TTN: variants seen among roughly 807,000 people sequenced by gnomAD.
TTN encodes titin, also known as connectin.
In TTN, 1,525 loss-of-function variants were observed where a neutral mutation model predicts 3,223.0. The ratio of observed to expected loss-of-function variants is 0.47; its 90% CI spans 0.45 to 0.49. The LOEUF (loss-of-function observed/expected upper bound fraction) is 0.49, where lower values mean the gene tolerates loss of function less well. Among genes scored for constraint, TTN ranks in the 20% least tolerant of loss-of-function variants. The pLI, the probability that TTN is intolerant of heterozygous loss-of-function variation, is 0.00. For missense variants in TTN, 40,786 were observed against 43,424.0 expected, an observed-to-expected ratio of 0.94 and a Z score of 5.40; for synonymous variants, 14,094 against 15,161.0, an observed-to-expected ratio of 0.93 and a Z score of 5.17.
rs748675191 is a variant in TTN at position 178,718,608 on chromosome 2, G to A, written c.24506-8C>T. ...TCACAAAGGTGGCTGGTTCTATAAGGAGAAAACATGTGGGTAAAATTCTTG... is the reference window on the plus strand; with the variant it reads ...TCACAAAGGTGGCTGGTTCTATAAGAAGAAAACATGTGGGTAAAATTCTTG... On this transcript the variant is annotated splice_region_variant and splice_polypyrimidine_tract_variant and intron_variant, in intron 84 of 362. Transcript: ENST00000589042. 1 of 1,607,420 alleles carries A rather than the reference G, an allele frequency of 6.2e-7. No homozygotes were observed. Among genetic ancestry groups the A allele is most frequent in the South Asian group, 1.1e-5 (1 of 90,202 alleles).
rs149404931 is a variant in TTN at position 178,774,991 on chromosome 2, A to T, written c.6720T>A (p.Asp2240Glu). ...FLSILTIDTS[D>E]AEDYSCVLVE... ...CAAGTACACAGCTGTAATCTTCAGCATCAGACGTATCAATGGTCAGTATGG... is the reference window on the plus strand; with the variant it reads ...CAAGTACACAGCTGTAATCTTCAGCTTCAGACGTATCAATGGTCAGTATGG... Residue 2240 changes from aspartate to glutamate, a missense_variant, in exon 29 of 363, where the codon GAT becomes GAA. Transcript: ENST00000589042. 3.7e-6 allele frequency: 6 copies of T among 1,613,936 alleles called. No homozygotes were observed. In the African/African-American group the frequency reaches 8.0e-5, roughly 22 times the overall value.
At position 178,675,863 on chromosome 2, in the gene TTN, AC is replaced by A. The variant is rs1398317671; in HGVS notation, c.34453+57del. On this transcript the variant is annotated intron_variant, in intron 148 of 362. Coordinates refer to ENST00000589042, the MANE Select transcript of TTN (RefSeq NM_001267550.2). The stretch of plus-strand genomic sequence containing the variant: ...ACAAATACGGAAACAGGACATTTTG[AC>A]TTTTATAGGAGAAGGAAGGAAATGG... The A allele has an allele frequency of 3.5e-5, 54 of 1,559,488 alleles. 1 individual carries two copies. The Admixed American group carries it at 1.0e-3, about 30-fold the overall frequency.
Position 178,560,025 on chromosome 2 carries a change from G to A in TTN, c.86107C>T (p.Gln28703Ter). Residue 28703 changes from glutamine to a stop codon, truncating the protein, a stop_gained, in exon 326 of 363, where the codon CAG becomes TAG. Coordinates refer to ENST00000589042, the MANE Select transcript of TTN (RefSeq NM_001267550.2). LOFTEE classifies it high-confidence loss of function. Reference sequence around the variant, plus strand: ...GTATATTCTGTCCCTCGTAAGCTCTGAATGGAAGTTTTCCAGTCAGTGTCA... The same window carrying A: ...GTATATTCTGTCCCTCGTAAGCTCTAAATGGAAGTTTTCCAGTCAGTGTCA... ...SDDTDWKTSIQSLRGTEYTIS... is the reference protein window; with the variant it reads ...SDDTDWKTSI The A allele has an allele frequency of 6.2e-7, 1 of 1,613,650 alleles. No individual in the cohort carries two copies. Among genetic ancestry groups the A allele is most frequent in the Non-Finnish European group, 8.5e-7 (1 of 1,179,790 alleles).
chr2:178,725,975 C>A lies in TTN; in HGVS notation c.20347G>T (p.Glu6783Ter). ...TCAAACGGTGGTGTTCCCGAAAGTT[C>A]ACATTCAAGACTGACTTCAGCATTT... ...LKNAEVSLEC[E>*]LSGTPPFEVV... Residue 6783 changes from glutamate (E) to a stop codon, truncating the protein, a stop_gained, in exon 70 of 363, where the codon GAA (glutamate) becomes TAA (stop). Coordinates refer to ENST00000589042, the MANE Select transcript of TTN (RefSeq NM_001267550.2). LOFTEE classifies it high-confidence loss of function. 6.2e-7 allele frequency: 1 copy of A among 1,610,704 alleles called. No individual in the cohort carries two copies. The highest frequency in any genetic ancestry group is 8.5e-7 in the Non-Finnish European group (1 of 1,178,082).
At chr2:178,692,279 A>G (rs1480197238) in intron 120 of TTN, among the ~76,000 whole-genome samples, 180 bp from the exon 121 acceptor site, 1 of 152,118 alleles carries the variant, frequency 6.6e-6, no homozygotes, top group East Asian at 1.9e-4. Flanking sequence ...CATTACATAC[A>G]TTACACAAGC....
rs752579029 is a variant in TTN, at chr2:178,577,358, T to C, written c.68977A>G (p.Ile22993Val). 1 of 1,613,040 alleles carries C rather than the reference T, an allele frequency of 6.2e-7. No individual in the cohort carries two copies. The highest frequency in any genetic ancestry group is 1.7e-5 in the Admixed American group (1 of 59,916). Residue 22993 changes from isoleucine to valine, a missense_variant, in exon 324 of 363, where the codon ATC (isoleucine) becomes GTC (valine). By Grantham distance (29) the Ile-to-Val change is conservative. Transcript: ENST00000589042. ...KAGKDIRPSD[I>V]TQITSTPTSS... is the part of the protein sequence containing the mutation. ...GTTGGGGTTGAAGTTATCTGAGTGA[T>C]ATCTGATGGTCTAATGTCTTTTCCT...
At position 178,611,881 on chromosome 2, in the gene TTN, TAC is replaced by T; in HGVS notation, c.50426_50427del (p.Cys16809Ter). ...TCGATGACATCAGTTACTCTGAAGT[TAC>T]AGTCAGGTCCTGCAGTCTTTCCAGC... ...VKAGKTAGPD[C>X]NFRVTDVIEG... On this transcript the variant is annotated frameshift_variant, in exon 268 of 363. Transcript: ENST00000589042. LOFTEE classifies it high-confidence loss of function. The T allele has an allele frequency of 1.2e-6, 2 of 1,612,948 alleles. No individual in the cohort carries two copies. The highest frequency in any genetic ancestry group is 1.7e-6 in the Non-Finnish European group (2 of 1,179,292).
intron 98 of TTN, 118 bp downstream of exon 98, chr2:178,710,517 T>A: frequency 7.9e-7 from 1 of 1,260,806 alleles, no homozygotes; most frequent in Non-Finnish European, 1.1e-6. Flanking sequence ...CTTAAACATT[T>A]TCTTTTCATT....
intron 24 of TTN, 21 bp from the exon 25 acceptor site, chr2:178,777,996 A>G: frequency 6.2e-7 from 1 of 1,611,308 alleles, no homozygotes; most frequent in Non-Finnish European, 8.5e-7. Context: ...AAGACACACA[A>G]TACTTTCGTG....
At position 178,566,971 on chromosome 2, in the gene TTN, A is replaced by G. The variant is rs1222293280; in HGVS notation, c.79161T>C (p.Pro26387=). The G allele has an allele frequency of 6.2e-7, 1 of 1,613,630 alleles. No homozygotes were observed. The highest frequency in any genetic ancestry group is 1.7e-5 in the Admixed American group (1 of 59,982). ...TGACTTCCAAGCTTTTTGGTGGTCC[A>G]GGAAGCACAAATGGATTTTTCATTA... ...PVLMKNPFVL[P]GPPKSLEVTN... The change falls in exon 326 of 363, where the codon CCT becomes CCC. Residue 26387 remains proline (P), a synonymous_variant. Transcript: ENST00000589042.
chr2:178,687,782 C>T (rs1189730144), intron 127 of TTN, among the ~76,000 whole-genome samples: 1 of 152,288 alleles, frequency 6.6e-6, no homozygotes, highest in South Asian at 2.1e-4. Flanking sequence ...TATGCCAGCC[C>T]ACCATGCTGA....
rs756720486 is a variant in TTN at position 178,732,425 on chromosome 2, G to GA, written c.16621+14dup. ...AACAAGGTTAGCACAAAGATGTCAAGAAAACAATGCAAACCTTTTACAAAC... is the reference window on the plus strand; with the variant it reads ...AACAAGGTTAGCACAAAGATGTCAAGAAAAACAATGCAAACCTTTTACAAAC... On this transcript the variant is annotated intron_variant, in intron 56 of 362. Transcript: ENST00000589042. The GA allele has an allele frequency of 1.3e-6, 2 of 1,590,266 alleles. No homozygotes were observed. The highest frequency in any genetic ancestry group is 3.5e-5 in the Admixed American group (2 of 57,074).
intron 224 of TTN, 94 bp downstream of exon 224, chr2:178,637,275 G>A: frequency 2.7e-6 from 2 of 730,624 alleles, no homozygotes; most frequent in South Asian, 2.6e-5. Context: ...AATAAAAATT[G>A]TTATGAATTT....
At chr2:178,663,946 C>T (rs369787573) in intron 169 of TTN, 44 bp from the exon 170 acceptor site, 16 of 1,610,094 alleles carry the variant, frequency 9.9e-6, no homozygotes, top group Non-Finnish European at 1.4e-5. Flanking sequence ...TTATGAAGAC[C>T]GCTAGAAAAA....
rs771892886 is a variant in TTN, at chr2:178,552,120, G to A, written c.90780C>T (p.Tyr30260=). ...EDNGGGEITC[Y]SIEKRETSQT... is the part of the protein sequence containing the mutation. ...GTGAAGTTTCCCGCTTCTCGATGCTGTAACAAGTAATTTCTCCTCCTCCAT... is the reference window on the plus strand; with the variant it reads ...GTGAAGTTTCCCGCTTCTCGATGCTATAACAAGTAATTTCTCCTCCTCCAT... The change falls in exon 335 of 363, where the codon TAC becomes TAT. Residue 30260 remains tyrosine (Y), a synonymous_variant. Transcript: ENST00000589042. The A allele has an allele frequency of 3.1e-6, 5 of 1,613,642 alleles. No individual in the cohort carries two copies. Among genetic ancestry groups the A allele is most frequent in the Non-Finnish European group, 4.2e-6 (5 of 1,179,800 alleles).
rs759229371 is a variant in TTN, at chr2:178,804,545, A to G, written c.91+7T>C. 8.1e-6 allele frequency: 13 copies of G among 1,613,550 alleles called. No individual in the cohort carries two copies. The South Asian group carries it at 1.4e-4, about 18-fold the overall frequency. ...AAAAAAACAAAAGTGTGAATGTGTGAGCTTACCACTAATGTGAGCCTCAAA... is the reference window on the plus strand; with the variant it reads ...AAAAAAACAAAAGTGTGAATGTGTGGGCTTACCACTAATGTGAGCCTCAAA... On this transcript the variant is annotated splice_region_variant and intron_variant, in intron 2 of 362. Coordinates refer to ENST00000589042, the MANE Select transcript of TTN (RefSeq NM_001267550.2).
intron 21 of TTN, 91 bp from the exon 22 acceptor site, chr2:178,780,296 A>T: frequency 8.0e-7 from 1 of 1,249,778 alleles, no homozygotes; most frequent in Non-Finnish European, 1.2e-6. Flanking sequence ...CACTGGGGAA[A>T]GTTGATAACC....
intron 67 of TTN, 33 bp downstream of exon 67, chr2:178,728,077 G>A: frequency 2.6e-6 from 4 of 1,518,782 alleles, no homozygotes; most frequent in Non-Finnish European, 3.5e-6. Context: ...GCATTCGCAA[G>A]GAAGAATCAA....
chr2:178,594,301 A>G (rs761034941), intron 296 of TTN, 43 bp downstream of exon 296: 2 of 1,592,248 alleles, frequency 1.3e-6, no homozygotes, highest in South Asian at 1.2e-5. Context: ...ACAAATCTAC[A>G]AATGTGCAAG....
Sources: gnomAD v4.1 joint callset for allele counts (sites outside exome capture counted in the v4.1 genomes callset) on GRCh38, gnomAD v4.1.1 for gene constraint, MANE v1.5 for transcripts, NCBI Gene and HGNC (gene_info 2026-07-23, HGNC 2026-07-21) for gene names.